The following PRKN variants were observed in gnomAD, a reference collection of about 807,000 sequenced individuals.
PRKN encodes the protein parkin RBR E3 ubiquitin protein ligase, also known as E3 ubiquitin-protein ligase parkin.
A neutral mutation model predicts 59.5 loss-of-function variants in PRKN; 56 were observed. The observed-to-expected ratio is 0.94, with a 90% CI of 0.76 to 1.18. The LOEUF is 1.18. PRKN is among the 50% of genes most tolerant of loss of function. PRKN has a pLI of 0.00. For missense variants in PRKN, 657 were observed against 596.4 expected (o/e 1.10, Z -1.06); for synonymous variants, 250 against 222.1 (o/e 1.13, Z -1.12).
intron 1 of PRKN, among the ~76,000 whole-genome samples, chr6:162,653,342 G>A (rs757960201): frequency 1.1e-4 from 17 of 152,058 alleles, no homozygotes; most frequent in South Asian, 4.1e-4. Context: ...GTTTGTGTGC[G>A]TGTCTGTGTG....
chr6:162,044,171 C>T (rs9458439), intron 5 of PRKN, among the ~76,000 whole-genome samples: 62,607 of 152,044 alleles, frequency 0.41, 13,571 homozygotes, highest in Admixed American at 0.49. Flanking sequence ...CTTTTTGTTC[C>T]TTATGCCATC....
At chr6:161,954,559 T>G (rs1052399176) in intron 6 of PRKN, among the ~76,000 whole-genome samples, 2 of 152,226 alleles carry the variant, frequency 1.3e-5, no homozygotes, top group East Asian at 3.8e-4. Flanking sequence ...GGAGGATTTT[T>G]CAGAATAAAA....
intron 4 of PRKN, among the ~76,000 whole-genome samples, chr6:162,106,714 G>A (rs371849739): frequency 1.3e-5 from 2 of 152,096 alleles, no homozygotes; most frequent in Admixed American, 6.5e-5. Context: ...ATTCACATTC[G>A]AAATAGAGCT....
At chr6:161,364,194 A>C (rs1379431320) in intron 10 of PRKN, among the ~76,000 whole-genome samples, 3 of 149,318 alleles carry the variant, frequency 2.0e-5, no homozygotes, top group African/African-American at 7.4e-5. Context: ...AAAAGAAAAG[A>C]AAACAAACAA....
At position 161,674,591 on chromosome 6, in the gene PRKN, C is replaced by T. The variant is rs117442819; in HGVS notation, c.872-105175G>A. On this transcript the variant is annotated intron_variant, in intron 7 of 11. Coordinates refer to ENST00000366898, the MANE Select transcript of PRKN (RefSeq NM_004562.3). ...TTAAATTTTAGATTCAGGAGGTACA[C>T]GTGCTTGTTTGTTTCATGGATATTA... is the stretch of plus-strand genomic sequence containing the variant. Among the ~76,000 whole-genome samples, 1,171 of 152,152 alleles carry T rather than the reference C, an allele frequency of 7.7e-3. 6 individuals are homozygous for T. Among genetic ancestry groups the T allele is most frequent in the Non-Finnish European group, 0.011 (781 of 68,004 alleles).
At chr6:161,807,553 C>T (rs140356915) in intron 6 of PRKN, among the ~76,000 whole-genome samples, 45 of 152,322 alleles carry the variant, frequency 3.0e-4, no homozygotes, top group African/African-American at 9.9e-4. Context: ...AAAGGCCACG[C>T]TTCGTCTGAA....
chr6:161,585,631 G>C (rs1187280430), intron 7 of PRKN, among the ~76,000 whole-genome samples: 1 of 152,192 alleles, frequency 6.6e-6, no homozygotes, highest in Admixed American at 6.5e-5. Flanking sequence ...TGTCCCTGGA[G>C]TGGATGTATG....
intron 8 of PRKN, among the ~76,000 whole-genome samples, chr6:161,564,908 C>T (rs1273180041): frequency 1.3e-5 from 2 of 152,210 alleles, no homozygotes; most frequent in Non-Finnish European, 2.9e-5. Flanking sequence ...CTGACCTCGT[C>T]GGTGCTGACC....
chr6:162,437,087 G>A (rs1038670095), intron 2 of PRKN, among the ~76,000 whole-genome samples: 1 of 123,530 alleles, frequency 8.1e-6, no homozygotes, highest in South Asian at 2.4e-4. Context: ...GCGAGACTCT[G>A]TCTCAAAAAA....
At chr6:161,933,118 A>G (rs1779227830) in intron 6 of PRKN, among the ~76,000 whole-genome samples, 1 of 152,106 alleles carries the variant, frequency 6.6e-6, no homozygotes, top group African/African-American at 2.4e-5. Flanking sequence ...CATCTCTACT[A>G]AAAATAAAAA....
intron 7 of PRKN, among the ~76,000 whole-genome samples, chr6:161,616,799 C>T (rs1376347059): frequency 6.6e-6 from 1 of 152,134 alleles, no homozygotes; most frequent in Non-Finnish European, 1.5e-5. Context: ...TTGCTTTATC[C>T]AGTCTATCAT....
intron 5 of PRKN, among the ~76,000 whole-genome samples, chr6:162,009,842 A>T (rs866449714): frequency 3.3e-5 from 5 of 151,818 alleles, no homozygotes; most frequent in South Asian, 2.1e-4. Flanking sequence ...AGGCTGAGGC[A>T]TGATAATCAT....
At chr6:161,540,002 A>G (rs1779561480) in intron 9 of PRKN, among the ~76,000 whole-genome samples, 1 of 152,158 alleles carries the variant, frequency 6.6e-6, no homozygotes, top group African/African-American at 2.4e-5. Context: ...ATCTATTACA[A>G]AATAGTGCTG....
chr6:162,675,151 AATTCTCCTGCCTCAGCCTCCAGAG>A (rs982875945), intron 1 of PRKN, among the ~76,000 whole-genome samples: 1 of 5,030 alleles, frequency 2.0e-4, no homozygotes, highest in Non-Finnish European at 3.3e-4. Flanking sequence ...GGTTCAAGCG[AATTCTCCTGCCTCAGCCTCCAGAG>A]TAGCTGGGAT....
Position 161,372,831 on chromosome 6 carries a change from T to A in PRKN, c.1168-12626A>T, listed in dbSNP as rs1461023332. ...ACAAAGACAGAGAGACCCTATTTTT[T>A]TTTTTTTTTTTTTTTTGAGACAGGG... is the stretch of plus-strand genomic sequence containing the variant. On this transcript the variant is annotated intron_variant, in intron 10 of 11. Coordinates refer to ENST00000366898, the MANE Select transcript of PRKN (RefSeq NM_004562.3). The surrounding 1 kb of genome is among the most constrained non-coding windows in gnomAD (Gnocchi z 4.2). 8.7e-5 allele frequency among the ~76,000 whole-genome samples: 13 copies of A among 149,970 alleles called. No individual in the cohort carries two copies. Among genetic ancestry groups the A allele is most frequent in the Non-Finnish European group, 1.5e-5 (1 of 67,362 alleles).
intron 5 of PRKN, among the ~76,000 whole-genome samples, chr6:162,012,884 A>G (rs1489471628): frequency 1.3e-5 from 2 of 152,132 alleles, no homozygotes; most frequent in Non-Finnish European, 2.9e-5. Flanking sequence ...GTTTGTCCCA[A>G]TATTTCAGCT....
intron 2 of PRKN, among the ~76,000 whole-genome samples, chr6:162,437,501 A>T (rs911538337): frequency 6.6e-6 from 1 of 152,154 alleles, no homozygotes; most frequent in African/African-American, 2.4e-5. Flanking sequence ...TACTATAAGC[A>T]TTGTTACAGT....
intron 6 of PRKN, among the ~76,000 whole-genome samples, chr6:161,787,530 C>T (rs1351330191): frequency 6.6e-6 from 1 of 152,254 alleles, no homozygotes. Flanking sequence ...GAAAAATATT[C>T]TCCATCTTGC....
At chr6:162,143,638 T>C (rs930331578) in intron 4 of PRKN, among the ~76,000 whole-genome samples, 9 of 152,212 alleles carry the variant, frequency 5.9e-5, no homozygotes, top group Admixed American at 4.6e-4. Context: ...CAAGATACAT[T>C]TGAAGAAAAT....
Sources: gnomAD v4.1 joint callset for allele counts (sites outside exome capture counted in the v4.1 genomes callset) on GRCh38, gnomAD v4.1.1 for gene constraint, Gnocchi (gnomAD v3.1) non-coding constraint, MANE v1.5 for transcripts, NCBI Gene and HGNC (gene_info 2026-07-23, HGNC 2026-07-21) for gene names.